The following BFSP2 variants were observed in gnomAD, a reference collection of about 807,000 sequenced individuals.
BFSP2 encodes phakinin.
Under a neutral mutation model 44.9 loss-of-function variants are expected in BFSP2, and 38 were observed. The observed-to-expected ratio is 0.85, with a 90% CI of 0.65 to 1.11. The LOEUF (loss-of-function observed/expected upper bound fraction) is 1.11. BFSP2 is among the 50% of genes least tolerant of loss of function. The pLI is 0.00. For synonymous variants in BFSP2, 197 were observed against 209.9 expected (o/e 0.94, Z 0.53); for missense variants, 525 against 533.0 (o/e 0.99, Z 0.15).
intron 1 of BFSP2, among the ~76,000 whole-genome samples, chr3:133,427,892 C>G (rs1269682307): frequency 6.6e-6 from 1 of 152,182 alleles, no homozygotes; most frequent in Non-Finnish European, 1.5e-5. Context: ...AGAATTTGTT[C>G]TGAGGGTTTT....
intron 1 of BFSP2, among the ~76,000 whole-genome samples, chr3:133,434,237 C>T (rs142966212): frequency 0.11 from 16,894 of 152,158 alleles, 1,145 homozygotes; most frequent in East Asian, 0.3. Context: ...CTGTTTTTCT[C>T]CTTCTCTTAT....
Position 133,450,412 on chromosome 3 carries a change from A to C in BFSP2, c.839A>C (p.Glu280Ala). The C allele has an allele frequency of 2.5e-6, 4 of 1,614,156 alleles. No homozygotes were observed. The highest frequency in any genetic ancestry group is 3.4e-6 in the Non-Finnish European group (4 of 1,180,004). ...DILETIRIQW[E>A]RDVEKNRVEA... ...CTTGAGACGATCAGAATTCAGTGGG[A>C]GAGAGATGTTGAAAAGAACCGGGTG... is the stretch of plus-strand genomic sequence containing the variant. The change falls in exon 4 of 7, where the codon GAG (glutamate) becomes GCG (alanine). Residue 280 changes from glutamate (E) to alanine (A), a missense_variant. Glu to Ala is a moderately radical substitution (Grantham distance 107). Transcript: ENST00000302334.
chr3:133,412,031 T>G (rs554279743), intron 1 of BFSP2, among the ~76,000 whole-genome samples: 1 of 152,360 alleles, frequency 6.6e-6, no homozygotes, highest in East Asian at 1.9e-4. Flanking sequence ...TTAGACGTGA[T>G]CATCGTTGTG....
intron 1 of BFSP2, among the ~76,000 whole-genome samples, chr3:133,415,726 C>A (rs977720929): frequency 6.9e-6 from 1 of 144,704 alleles, no homozygotes; most frequent in Non-Finnish European, 1.5e-5. Context: ...CTCTACTCAT[C>A]CCTCTATGCA....
chr3:133,411,111 T>C (rs1249130725), intron 1 of BFSP2, among the ~76,000 whole-genome samples: 1 of 151,810 alleles, frequency 6.6e-6, no homozygotes, highest in Non-Finnish European at 1.5e-5. Flanking sequence ...CCATCAATTT[T>C]TAAAAGAATA....
At chr3:133,470,435 A>G (rs1359010090) in intron 5 of BFSP2, among the ~76,000 whole-genome samples, 3 of 152,222 alleles carry the variant, frequency 2.0e-5, no homozygotes, top group African/African-American at 7.2e-5. Context: ...TCCAATTTAG[A>G]AAGATATTTG....
intron 1 of BFSP2, among the ~76,000 whole-genome samples, chr3:133,406,562 C>T (rs2073406671): frequency 6.8e-6 from 1 of 147,100 alleles, no homozygotes; most frequent in Non-Finnish European, 1.5e-5. Flanking sequence ...TGCCGCTTGC[C>T]ATCTACCAAC....
intron 1 of BFSP2, among the ~76,000 whole-genome samples, chr3:133,437,633 GA>G (rs35479500): frequency 9.0e-6 from 1 of 111,236 alleles, no homozygotes; most frequent in African/African-American, 2.8e-5. Flanking sequence ...AAGAGAAAAA[GA>G]AAGAAGAGAG....
intron 1 of BFSP2, among the ~76,000 whole-genome samples, chr3:133,402,005 C>A (rs759321722): frequency 3.9e-5 from 6 of 152,268 alleles, no homozygotes; most frequent in Non-Finnish European, 7.3e-5. Context: ...CAAGGGAGAG[C>A]CATCTTAGAA....
intron 1 of BFSP2, among the ~76,000 whole-genome samples, chr3:133,414,744 C>CCCTCTACTCACCCCTGCCATCTCT (rs2073495822): frequency 7.7e-6 from 1 of 130,076 alleles, no homozygotes; most frequent in Non-Finnish European, 1.7e-5. Context: ...CTGCCATTTC[C>CCCTCTACTCACCCCTGCCATCTCT]CCTCTACTCA....
intron 1 of BFSP2, among the ~76,000 whole-genome samples, chr3:133,431,541 G>C (rs2073718380): frequency 6.6e-6 from 1 of 152,124 alleles, no homozygotes; most frequent in South Asian, 2.1e-4. Context: ...AGAGCCCCTG[G>C]AACTCTGGCC....
chr3:133,473,787 G>A (rs58071899), intron 6 of BFSP2, among the ~76,000 whole-genome samples: 47,782 of 151,730 alleles, frequency 0.31, 9,489 homozygotes, highest in East Asian at 0.57. Flanking sequence ...AAGGTCACAG[G>A]TCAACAGGAT....
chr3:133,474,314 A>C (rs963940359), intron 6 of BFSP2, among the ~76,000 whole-genome samples: 3 of 152,248 alleles, frequency 2.0e-5, no homozygotes, highest in Admixed American at 2.0e-4. Context: ...ACAAAGACCC[A>C]GAATGGAAAA....
intron 1 of BFSP2, among the ~76,000 whole-genome samples, chr3:133,425,751 C>G: frequency 8.0e-6 from 1 of 125,436 alleles, no homozygotes; most frequent in African/African-American, 3.5e-5. Flanking sequence ...GAAATCTAAG[C>G]AGGACAAAGG....
intron 1 of BFSP2, among the ~76,000 whole-genome samples, chr3:133,429,030 C>CT (rs914302230): frequency 1.3e-4 from 20 of 151,946 alleles, no homozygotes; most frequent in African/African-American, 4.6e-4. Context: ...GTTAAAAAAC[C>CT]TTTTTTTAAA....
chr3:133,443,074 G>T (rs2073860659), intron 1 of BFSP2, among the ~76,000 whole-genome samples: 1 of 151,992 alleles, frequency 6.6e-6, no homozygotes, highest in Admixed American at 6.6e-5. Context: ...TGGCCAGGCT[G>T]GTCTGGAACA....
At chr3:133,447,113 T>C (rs1173132231) in intron 1 of BFSP2, among the ~76,000 whole-genome samples, 2 of 152,232 alleles carry the variant, frequency 1.3e-5, no homozygotes, top group Admixed American at 1.3e-4. Context: ...TCTTAGAAGA[T>C]ATCCAGATTT....
intron 4 of BFSP2, among the ~76,000 whole-genome samples, chr3:133,459,753 C>T (rs1241274803): frequency 2.0e-5 from 3 of 152,330 alleles, no homozygotes; most frequent in African/African-American, 7.2e-5. Flanking sequence ...GGAGTGTGTG[C>T]TGCCTGTCAA....
At chr3:133,430,205 G>A (rs1283818751) in intron 1 of BFSP2, among the ~76,000 whole-genome samples, 18 of 151,962 alleles carry the variant, frequency 1.2e-4, no homozygotes, top group East Asian at 3.8e-4. Context: ...GAATAGTGCC[G>A]TAATAAACAT....
Sources: gnomAD v4.1 joint callset for allele counts (sites outside exome capture counted in the v4.1 genomes callset) on GRCh38, gnomAD v4.1.1 for gene constraint, MANE v1.5 for transcripts, NCBI Gene and HGNC (gene_info 2026-07-23, HGNC 2026-07-21) for gene names.